SSPN: variants seen among roughly 807,000 people sequenced by gnomAD.
The protein encoded by SSPN is sarcospan, also known as K-ras oncogene-associated protein.
A neutral mutation model predicts 19.1 loss-of-function variants in SSPN; 15 were observed. The observed-to-expected ratio is 0.78, with a 90% CI of 0.52 to 1.21. The LOEUF is 1.21. Among genes scored for constraint, SSPN ranks in the 50% most tolerant of loss-of-function variants. The pLI, the probability that SSPN is intolerant of heterozygous loss-of-function variation, is 0.00. For missense variants in SSPN, 291 were observed against 314.0 expected (o/e 0.93, Z 0.55); for synonymous variants, 147 against 140.3 (o/e 1.05, Z -0.34).
At chr12:26,206,933 C>T (rs999353347) in intron 1 of SSPN, among the ~76,000 whole-genome samples, 7 of 152,132 alleles carry the variant, frequency 4.6e-5, no homozygotes, top group East Asian at 1.9e-4. Context: ...TTTTCATATA[C>T]CAGGTATGGT....
intron 1 of SSPN, chr12:26,123,795 G>A (rs1461011883): frequency 1.8e-6 from 2 of 1,141,858 alleles, no homozygotes; most frequent in African/African-American, 3.0e-5. Flanking sequence ...ACACACATTT[G>A]GCTTAATTGG....
chr12:26,219,491 A>T (rs1945096194), intron 1 of SSPN, among the ~76,000 whole-genome samples: 2 of 151,978 alleles, frequency 1.3e-5, no homozygotes, highest in African/African-American at 4.8e-5. Flanking sequence ...CAAAAAATGG[A>T]TTTAACATTC....
At chr12:26,159,216 C>G (rs534453763) in intron 1 of SSPN, among the ~76,000 whole-genome samples, 1 of 152,306 alleles carries the variant, frequency 6.6e-6, no homozygotes, top group South Asian at 2.1e-4. Context: ...TGTGACCCTG[C>G]TGGGACATGT....
intron 2 of SSPN, among the ~76,000 whole-genome samples, chr12:26,227,650 A>T (rs1945191077): frequency 6.6e-6 from 1 of 152,218 alleles, no homozygotes; most frequent in African/African-American, 2.4e-5. Flanking sequence ...TTATTATTTC[A>T]CAAATACTTA....
chr12:26,215,241 A>G (rs1199574474), intron 1 of SSPN, among the ~76,000 whole-genome samples: 1 of 152,170 alleles, frequency 6.6e-6, no homozygotes, highest in Admixed American at 6.5e-5. Flanking sequence ...TGCTGTAACC[A>G]TTCTTCCTCT....
At chr12:26,132,286 A>G (rs1944401160) in intron 1 of SSPN, among the ~76,000 whole-genome samples, 1 of 152,196 alleles carries the variant, frequency 6.6e-6, no homozygotes, top group Non-Finnish European at 1.5e-5. Context: ...TACTGTGCTT[A>G]TATGAACTGT....
intron 1 of SSPN, among the ~76,000 whole-genome samples, chr12:26,203,022 C>T (rs929091048): frequency 6.6e-6 from 1 of 152,130 alleles, no homozygotes; most frequent in Non-Finnish European, 1.5e-5. Context: ...AGAGAGAGCA[C>T]TGGGGAAACT....
intron 1 of SSPN, among the ~76,000 whole-genome samples, chr12:26,204,920 C>T (rs935091658): frequency 6.6e-5 from 10 of 152,186 alleles, no homozygotes; most frequent in Non-Finnish European, 1.5e-4. Flanking sequence ...TGTAAGCTCT[C>T]CAGTTTGATT....
Position 26,207,200 on chromosome 12 carries a change from A to G in SSPN, c.279+11249A>G, listed in dbSNP as rs1238151466. On this transcript the variant is annotated intron_variant, in intron 1 of 2. Coordinates refer to ENST00000242729, the MANE Select transcript of SSPN (RefSeq NM_005086.5). The stretch of plus-strand genomic sequence containing the variant: ...ATCATTTTCCAAAAAATATTTGGTA[A>G]TGATTTTTAAATTTTCATTTCTATG... Among the ~76,000 whole-genome samples, 3 of 152,192 alleles carry G rather than the reference A, an allele frequency of 2.0e-5. No homozygotes were observed. The South Asian group carries it at 6.2e-4, about 32-fold the overall frequency.
At chr12:26,205,850 G>T (rs989111087) in intron 1 of SSPN, among the ~76,000 whole-genome samples, 3 of 152,130 alleles carry the variant, frequency 2.0e-5, no homozygotes, top group Non-Finnish European at 4.4e-5. Flanking sequence ...CTTCTCCCAG[G>T]CTCTTTGGTA....
At chr12:26,144,620 C>T (rs1944479190) in intron 1 of SSPN, among the ~76,000 whole-genome samples, 1 of 152,078 alleles carries the variant, frequency 6.6e-6, no homozygotes, top group African/African-American at 2.4e-5. Context: ...CAAGAGCAGG[C>T]AATGAATAGG....
chr12:26,191,449 T>C (rs1228542498), upstream of SSPN, among the ~76,000 whole-genome samples: 1 of 151,762 alleles, frequency 6.6e-6, no homozygotes, highest in East Asian at 1.9e-4. Context: ...TGAGACCCCA[T>C]CTCCAGGGAA....
At chr12:26,122,836 T>G (rs1403819725) in intron 1 of SSPN, 2 of 1,581,172 alleles carry the variant, frequency 1.3e-6, no homozygotes, top group Admixed American at 1.8e-5. Flanking sequence ...AGCTCGGCGC[T>G]GGGCTGAGTC....
In SSPN at chr12:26,184,864, A is replaced by G. The variant is rs147112156; in HGVS notation, c.-30-39429A>G. Among the ~76,000 whole-genome samples the G allele has an allele frequency of 7.9e-5, 12 of 152,268 alleles. No individual in the cohort carries two copies. The East Asian group carries it at 2.3e-3, about 29-fold the overall frequency. The stretch of plus-strand genomic sequence containing the variant: ...ATGCTCATGAGAAGACAACAAAAAT[A>G]GGGAGAAAAGGAAAATATCCATGTC... On this transcript the variant is annotated intron_variant, in intron 1 of 2. Transcript: ENST00000538142.
intron 1 of SSPN, among the ~76,000 whole-genome samples, chr12:26,218,210 C>T (rs376135970): frequency 5.3e-5 from 7 of 132,014 alleles, no homozygotes; most frequent in East Asian, 2.2e-4. Flanking sequence ...AGTAAACTAT[C>T]GCAAGAACAA....
chr12:26,127,547 C>A (rs1347228966), intron 1 of SSPN, among the ~76,000 whole-genome samples: 1 of 152,158 alleles, frequency 6.6e-6, no homozygotes, highest in African/African-American at 2.4e-5. Context: ...TTTTTATCTC[C>A]TTTGTTGTTC....
Position 26,233,694 on chromosome 12 carries a change from G to C in SSPN, c.*2618G>C, listed in dbSNP as rs1945258998. 1.3e-5 allele frequency: 2 copies of C among 152,214 alleles called. No homozygotes were observed. Among genetic ancestry groups the C allele is most frequent in the Admixed American group, 1.3e-4 (2 of 15,288 alleles). 9.4% of individuals were successfully genotyped at this position (152,214 alleles called of 1,614,324 possible). ...CATTTAAAATCTGACAAGGCGCCAA[G>C]ATGGTGACTGTCTCCTCTAAACCAC... On this transcript the variant is annotated 3_prime_UTR_variant, in exon 3 of 3. Transcript: ENST00000242729. This position sits in a 1 kb window ranked among gnomAD's most constrained non-coding sequence, Gnocchi z 4.3.
At chr12:26,147,197 T>G (rs1440468651) in intron 1 of SSPN, among the ~76,000 whole-genome samples, 1 of 152,164 alleles carries the variant, frequency 6.6e-6, no homozygotes, top group Non-Finnish European at 1.5e-5. Context: ...CAGGACATCT[T>G]GTAACATATA....
intron 1 of SSPN, among the ~76,000 whole-genome samples, chr12:26,130,289 A>G (rs1327694705): frequency 4.6e-5 from 7 of 152,234 alleles, no homozygotes; most frequent in Admixed American, 2.0e-4. Context: ...GCACATTCAA[A>G]TATAAATAAG....
Sources: allele counts gnomAD v4.1 joint callset (sites outside exome capture counted in the v4.1 genomes callset), GRCh38; gene constraint gnomAD v4.1.1; non-coding constraint Gnocchi (gnomAD v3.1); transcripts MANE v1.5; gene names NCBI Gene and HGNC (gene_info 2026-07-23, HGNC 2026-07-21).